FIGN: variants seen among roughly 807,000 people sequenced by gnomAD.
FIGN encodes fidgetin.
FIGN carries 11 observed loss-of-function variants against 51.3 expected under a neutral mutation model. The ratio of observed to expected loss-of-function variants is 0.21; its 90% confidence interval spans 0.13 to 0.35. The LOEUF is 0.35. Among genes scored for constraint, FIGN ranks in the 10% least tolerant of loss-of-function variants. FIGN has a pLI of 1.00. For missense variants in FIGN, 857 were observed against 943.6 expected (o/e 0.91, Z 1.20); for synonymous variants, 407 against 363.2 (o/e 1.12, Z -1.37).
At chr2:163,665,620 G>A (rs554363699) in intron 2 of FIGN, among the ~76,000 whole-genome samples, 2 of 152,178 alleles carry the variant, frequency 1.3e-5, no homozygotes, top group South Asian at 4.1e-4. Context: ...GCCCAAAGAT[G>A]ACAAAAAAAT....
chr2:163,730,988 C>A (rs1684919122), intron 2 of FIGN, among the ~76,000 whole-genome samples: 1 of 152,074 alleles, frequency 6.6e-6, no homozygotes, highest in Admixed American at 6.5e-5. Context: ...AACCAAGGTT[C>A]TAAGAACTAG....
chr2:163,664,661 T>C (rs1003516046), intron 2 of FIGN, among the ~76,000 whole-genome samples: 4 of 152,220 alleles, frequency 2.6e-5, no homozygotes, highest in African/African-American at 7.2e-5. Flanking sequence ...CTCAGGTTCA[T>C]GAAACAGCGC....
At position 163,609,280 on chromosome 2, in the gene FIGN, T is replaced by G. The variant is rs887634358; in HGVS notation, c.*272A>C. 2.4e-6 allele frequency: 1 copy of G among 418,436 alleles called. No individual in the cohort carries two copies. The highest frequency in any genetic ancestry group is 4.2e-6 in the Non-Finnish European group (1 of 236,218). The allele number at this position is 418,436 out of a possible 1,614,324, so 25.9% of individuals were successfully genotyped here. The stretch of plus-strand genomic sequence containing the variant: ...TCATGTCCTTCTGAAATCAACACAC[T>G]TGCACCTTGCTCCTTGGTGAGTGTT... On this transcript the variant is annotated 3_prime_UTR_variant, in exon 3 of 3. Transcript: ENST00000333129.
chr2:163,624,706 A>T (rs989556075), intron 2 of FIGN, among the ~76,000 whole-genome samples: 10 of 133,808 alleles, frequency 7.5e-5, no homozygotes, highest in African/African-American at 2.0e-4. Context: ...ATATATATAT[A>T]TATTTTTTTT....
At chr2:163,709,460 C>T (rs1034436343) in intron 2 of FIGN, among the ~76,000 whole-genome samples, 3 of 152,078 alleles carry the variant, frequency 2.0e-5, no homozygotes, top group Admixed American at 1.3e-4. Context: ...AAATCATCAG[C>T]GACCTACAGC....
chr2:163,679,938 G>A lies in FIGN; in HGVS notation c.25+54965C>T, dbSNP rs530265483. ...GGTACATGCACTTTCTTTGATAAGT[G>A]AGAAATATGAAACTCAATACTTACC... On this transcript the variant is annotated intron_variant, in intron 2 of 2. Transcript: ENST00000333129. 2.0e-5 allele frequency among the ~76,000 whole-genome samples: 3 copies of A among 152,302 alleles called. No homozygotes were observed. In the South Asian group the frequency reaches 6.2e-4, roughly 32 times the overall value.
intron 2 of FIGN, among the ~76,000 whole-genome samples, chr2:163,683,775 G>A (rs544438242): frequency 3.5e-4 from 54 of 152,266 alleles, no homozygotes; most frequent in African/African-American, 1.2e-3. Flanking sequence ...GTGCGGCCAA[G>A]GTTGAGAACC....
chr2:163,671,664 T>C (rs1429021411), intron 2 of FIGN, among the ~76,000 whole-genome samples: 1 of 152,142 alleles, frequency 6.6e-6, no homozygotes, highest in Non-Finnish European at 1.5e-5. Flanking sequence ...AAATTTCACT[T>C]TTCTAGGTTT....
chr2:163,685,666 A>C (rs983412826), intron 2 of FIGN, among the ~76,000 whole-genome samples: 1 of 152,218 alleles, frequency 6.6e-6, no homozygotes, highest in Non-Finnish European at 1.5e-5. Context: ...ACGATCTTGC[A>C]GTATCGTTAT....
rs559001569 is a variant in FIGN at position 163,609,382 on chromosome 2, A to G, written c.*170T>C. ...CTTTCAAATCAGAAGCTCTCATTTG[A>G]TGCACTTTTCCTCCAAATCTACCCT... On this transcript the variant is annotated 3_prime_UTR_variant, in exon 3 of 3. Coordinates refer to ENST00000333129, the MANE Select transcript of FIGN (RefSeq NM_018086.4). 285 of 619,582 alleles carry G rather than the reference A, an allele frequency of 4.6e-4. 2 individuals carry two copies. The South Asian group carries it at 5.4e-3, about 12-fold the overall frequency. 38.4% of individuals were successfully genotyped at this position (619,582 alleles called of 1,614,324 possible). A position where few individuals can be genotyped will look rare whatever the true frequency, so the allele number is the denominator to read the frequency against.
intron 2 of FIGN, among the ~76,000 whole-genome samples, chr2:163,650,804 G>A (rs1049604682): frequency 6.6e-6 from 1 of 152,176 alleles, no homozygotes; most frequent in Admixed American, 6.5e-5. Context: ...GGGCTTTCCT[G>A]TGAACAATGT....
intron 2 of FIGN, among the ~76,000 whole-genome samples, chr2:163,671,295 AG>A (rs1244518130): frequency 6.6e-6 from 1 of 152,236 alleles, no homozygotes; most frequent in Non-Finnish European, 1.5e-5. Context: ...ATAGATAAAA[AG>A]GAATCAACCT....
intron 2 of FIGN, among the ~76,000 whole-genome samples, chr2:163,732,196 C>A (rs1684941879): frequency 6.6e-6 from 1 of 152,114 alleles, no homozygotes; most frequent in Admixed American, 6.6e-5. Context: ...AATCTGATAC[C>A]TCTATTTTTA....
intron 2 of FIGN, among the ~76,000 whole-genome samples, chr2:163,618,483 C>A (rs1475599772): frequency 6.6e-6 from 1 of 151,642 alleles, no homozygotes; most frequent in Non-Finnish European, 1.5e-5. Flanking sequence ...AGTTCAGATA[C>A]CTCACCCTCT....
At chr2:163,637,667 CT>C (rs567105298) in intron 2 of FIGN, among the ~76,000 whole-genome samples, 4,303 of 145,298 alleles carry the variant, frequency 0.03, 175 homozygotes, top group African/African-American at 0.093. Flanking sequence ...AATTATTTAA[CT>C]TTTTTTTTTT....
chr2:163,617,318 A>G, intron 2 of FIGN: 1 of 784,626 alleles, frequency 1.3e-6, no homozygotes, highest in South Asian at 5.8e-5. Context: ...GGGCTGTCAA[A>G]TTTTAAATTT....
At chr2:163,686,298 C>T (rs1460663) in intron 2 of FIGN, among the ~76,000 whole-genome samples, 151,958 of 152,332 alleles carry the variant, frequency 1, 75,800 homozygotes, top group Middle Eastern at 1. Flanking sequence ...ACAAAGTTCT[C>T]GCCACAAAAC....
intron 2 of FIGN, among the ~76,000 whole-genome samples, chr2:163,682,726 G>A (rs1180383161): frequency 6.6e-6 from 1 of 152,170 alleles, no homozygotes; most frequent in Non-Finnish European, 1.5e-5. Context: ...ATATGAAATA[G>A]CATTCATTCA....
At chr2:163,696,871 A>G (rs541807715) in intron 2 of FIGN, among the ~76,000 whole-genome samples, 1 of 143,952 alleles carries the variant, frequency 6.9e-6, no homozygotes, top group Admixed American at 7.0e-5. Flanking sequence ...AGGTCTCACT[A>G]TGTTGCCCAG....
Sources: allele counts gnomAD v4.1 joint callset (sites outside exome capture counted in the v4.1 genomes callset), GRCh38; gene constraint gnomAD v4.1.1; transcripts MANE v1.5; gene names NCBI Gene and HGNC (gene_info 2026-07-23, HGNC 2026-07-21).